RMDN2: variants seen among roughly 807,000 people sequenced by gnomAD.
RMDN2 encodes the protein regulator of microtubule dynamics 2.
Under a neutral mutation model 52.8 loss-of-function variants are expected in RMDN2, and 61 were observed. That is an observed-to-expected ratio of 1.16 (90% CI 0.94 to 1.43). RMDN2 has a LOEUF of 1.43. Among genes scored for constraint, RMDN2 ranks in the 40% most tolerant of loss-of-function variants. RMDN2 has a pLI of 0.00. For missense variants in RMDN2, 592 were observed against 475.3 expected, an observed-to-expected ratio of 1.25 and a Z score of -2.28; for synonymous variants, 180 against 153.1, an observed-to-expected ratio of 1.18 and a Z score of -1.30.
At chr2:38,050,369 A>C (rs965320681) in intron 10 of RMDN2, among the ~76,000 whole-genome samples, 2 of 151,428 alleles carry the variant, frequency 1.3e-5, no homozygotes, top group South Asian at 4.2e-4. Flanking sequence ...TAAAAAAAAA[A>C]CCTTCCCTGA....
At chr2:37,964,070 C>T (rs553070847) in intron 2 of RMDN2, among the ~76,000 whole-genome samples, 26 of 151,828 alleles carry the variant, frequency 1.7e-4, no homozygotes, top group South Asian at 4.2e-4. Context: ...TGGCGGCTGC[C>T]GGGCGGAGGC....
intron 2 of RMDN2, among the ~76,000 whole-genome samples, chr2:37,932,977 G>C (rs1280098131): frequency 6.6e-6 from 1 of 151,672 alleles, no homozygotes; most frequent in East Asian, 2.0e-4. Context: ...TCACTTCCCA[G>C]ACGGGGTGGC....
intron 5 of RMDN2, 63 bp from the exon 6 acceptor site, chr2:37,989,478 G>T: frequency 1.0e-6 from 1 of 975,466 alleles, no homozygotes; most frequent in Non-Finnish European, 1.6e-6. Flanking sequence ...GTTATGTTTT[G>T]GTGGCATTTT....
intron 2 of RMDN2, among the ~76,000 whole-genome samples, chr2:37,947,345 C>T (rs1321371789): frequency 6.6e-6 from 1 of 152,074 alleles, no homozygotes; most frequent in Non-Finnish European, 1.5e-5. Flanking sequence ...TAATAAACTT[C>T]TTTCTCTCAA....
chr2:38,034,685 G>A (rs1334712450), intron 10 of RMDN2, among the ~76,000 whole-genome samples: 1 of 151,432 alleles, frequency 6.6e-6, no homozygotes, highest in Non-Finnish European at 1.5e-5. Flanking sequence ...TGAATCGGTT[G>A]TAAAAATTGT....
chr2:38,039,534 C>T lies in RMDN2; in HGVS notation c.1714-27448C>T, dbSNP rs189487259. On this transcript the variant is annotated intron_variant, in intron 10 of 10. Transcript: ENST00000234195. ...TTTCTGCTTTGATGGGAACATTCACCCTCGCCCTGATTTTGTCATTTTTTC... is the reference window on the plus strand; with the variant it reads ...TTTCTGCTTTGATGGGAACATTCACTCTCGCCCTGATTTTGTCATTTTTTC... Among the ~76,000 whole-genome samples, 459 of 152,316 alleles carry T rather than the reference C, an allele frequency of 3.0e-3. 2 individuals carry two copies. Among genetic ancestry groups the T allele is most frequent in the Non-Finnish European group, 5.0e-3 (343 of 68,026 alleles).
intron 10 of RMDN2, among the ~76,000 whole-genome samples, chr2:38,006,826 A>T (rs560237647): frequency 1.3e-5 from 2 of 152,272 alleles, no homozygotes; most frequent in South Asian, 4.1e-4. Context: ...ATTCCGTACG[A>T]TACTGGCTGT....
chr2:38,004,093 T>G, intron 9 of RMDN2, 43 bp from the exon 10 acceptor site: 7 of 1,606,810 alleles, frequency 4.4e-6, no homozygotes, highest in Non-Finnish European at 6.0e-6. Context: ...ACCTATCGCA[T>G]AAAAACGGAT....
chr2:38,004,769 G>A (rs546284067), intron 10 of RMDN2, among the ~76,000 whole-genome samples: 6 of 151,464 alleles, frequency 4.0e-5, no homozygotes, highest in Admixed American at 2.0e-4. Flanking sequence ...ATGTATATAT[G>A]TGCCATGTTG....
intron 10 of RMDN2, among the ~76,000 whole-genome samples, chr2:38,042,332 T>C (rs2121259): frequency 0.29 from 44,454 of 151,614 alleles, 8,093 homozygotes; most frequent in South Asian, 0.49. Flanking sequence ...TGTATCTTCC[T>C]TGTTTTTTCT....
At chr2:38,063,706 GA>G (rs562728258) in intron 10 of RMDN2, among the ~76,000 whole-genome samples, 3 of 151,896 alleles carry the variant, frequency 2.0e-5, no homozygotes, top group Non-Finnish European at 4.4e-5. Context: ...AAATTTACAA[GA>G]AAAAAACAAA....
At chr2:37,990,545 G>T (rs950347275) in intron 6 of RMDN2, among the ~76,000 whole-genome samples, 12 of 123,472 alleles carry the variant, frequency 9.7e-5, no homozygotes, top group Non-Finnish European at 1.0e-4. Flanking sequence ...AAAAAAAAAG[G>T]CCTTTTGGTC....
intron 4 of RMDN2, among the ~76,000 whole-genome samples, chr2:37,980,057 A>G (rs983808767): frequency 6.6e-6 from 1 of 152,182 alleles, no homozygotes; most frequent in Admixed American, 6.5e-5. Context: ...CAAATTAACA[A>G]ATAGAACCGT....
chr2:37,996,969 G>A (rs1675637178), intron 7 of RMDN2, among the ~76,000 whole-genome samples: 1 of 152,176 alleles, frequency 6.6e-6, no homozygotes, highest in African/African-American at 2.4e-5. Context: ...CAGGAGGCCA[G>A]TTGGCAGCAT....
At chr2:37,925,119 G>C (rs983370124), upstream of RMDN2, among the ~76,000 whole-genome samples, 1 of 152,198 alleles carries the variant, frequency 6.6e-6, no homozygotes, top group African/African-American at 2.4e-5. Context: ...GGAGGCGACG[G>C]CCGAGACACA....
At chr2:38,059,961 G>A (rs1470953050) in intron 10 of RMDN2, among the ~76,000 whole-genome samples, 1 of 151,996 alleles carries the variant, frequency 6.6e-6, no homozygotes, top group East Asian at 1.9e-4. Context: ...GCAGTGACTC[G>A]ATCTCGGCTC....
intron 10 of RMDN2, among the ~76,000 whole-genome samples, chr2:38,031,611 G>A (rs1680213402): frequency 6.6e-6 from 1 of 152,188 alleles, no homozygotes; most frequent in Admixed American, 6.5e-5. Flanking sequence ...ACTGGCCAGA[G>A]AAATCTGTGG....
At chr2:38,048,659 C>T (rs558481089) in intron 10 of RMDN2, among the ~76,000 whole-genome samples, 13 of 152,318 alleles carry the variant, frequency 8.5e-5, no homozygotes, top group Admixed American at 2.0e-4. Flanking sequence ...AAATGACCTC[C>T]GACAAACAAC....
intron 7 of RMDN2, among the ~76,000 whole-genome samples, chr2:37,993,987 T>G (rs895262103): frequency 6.6e-6 from 1 of 152,164 alleles, no homozygotes; most frequent in South Asian, 2.1e-4. Flanking sequence ...CAAAATGGAC[T>G]CTGATCTTCA....
Sources: gnomAD v4.1 joint callset for allele counts (sites outside exome capture counted in the v4.1 genomes callset) on GRCh38, gnomAD v4.1.1 for gene constraint, MANE v1.5 for transcripts, NCBI Gene and HGNC (gene_info 2026-07-23, HGNC 2026-07-21) for gene names.